Variants in TTC7A observed in about 807,000 individuals in gnomAD.
The protein encoded by TTC7A is tetratricopeptide repeat protein 7A.
Under a neutral mutation model 103.7 loss-of-function variants are expected in TTC7A, and 110 were observed. That is an observed-to-expected ratio of 1.06 (90% confidence interval 0.91 to 1.24). The LOEUF is 1.24. TTC7A is among the 50% of genes most tolerant of loss of function. TTC7A has a pLI of 0.00. For missense variants in TTC7A, 1,340 were observed against 1,116.3 expected (o/e 1.20, Z -2.86); for synonymous variants, 521 against 467.9 (o/e 1.11, Z -1.47).
intron 14 of TTC7A, among the ~76,000 whole-genome samples, chr2:47,027,972 C>A (rs1680098250): frequency 1.3e-5 from 2 of 152,200 alleles, no homozygotes; most frequent in South Asian, 4.1e-4. Flanking sequence ...AGTGCGCAGG[C>A]CAGGGCCCAT....
At chr2:47,002,805 A>G (rs1452981940) in intron 8 of TTC7A, among the ~76,000 whole-genome samples, 3 of 152,122 alleles carry the variant, frequency 2.0e-5, no homozygotes, top group Admixed American at 1.3e-4. Context: ...ACCACCAGGA[A>G]TATTTCACTT....
intron 11 of TTC7A, among the ~76,000 whole-genome samples, chr2:47,017,515 T>C (rs13425939): frequency 0.023 from 3,424 of 152,056 alleles, 146 homozygotes; most frequent in African/African-American, 0.078. Flanking sequence ...CCAGCCTGGG[T>C]TACAGAGCGA....
At chr2:47,025,132 C>A (rs370769016) in intron 14 of TTC7A, among the ~76,000 whole-genome samples, 9 of 152,210 alleles carry the variant, frequency 5.9e-5, no homozygotes, top group African/African-American at 2.2e-4. Context: ...CCGGAACCAC[C>A]CAGGAAATGG....
At chr2:46,918,941 C>A (rs1485379937) in intron 2 of TTC7A, among the ~76,000 whole-genome samples, 1 of 152,260 alleles carries the variant, frequency 6.6e-6, no homozygotes, top group African/African-American at 2.4e-5. Flanking sequence ...CTGAAATACC[C>A]CATTTACTTT....
intron 8 of TTC7A, among the ~76,000 whole-genome samples, chr2:47,000,897 C>G (rs1292472654): frequency 6.6e-6 from 1 of 152,236 alleles, no homozygotes; most frequent in East Asian, 1.9e-4. Context: ...TTGTGTTTTG[C>G]TTCAGTTCTT....
intron 2 of TTC7A, among the ~76,000 whole-genome samples, chr2:46,935,788 A>G (rs1038623142): frequency 3.7e-4 from 56 of 152,160 alleles, no homozygotes; most frequent in African/African-American, 1.2e-3. Context: ...CCAAGCTCCA[A>G]TTTCTTTTTT....
At chr2:46,936,363 A>G (rs1022695222), upstream of TTC7A, among the ~76,000 whole-genome samples, 4 of 152,162 alleles carry the variant, frequency 2.6e-5, no homozygotes, top group Admixed American at 6.5e-5. Context: ...CCCAGGGACA[A>G]ATTTTGTCTC....
At chr2:46,979,824 T>G (rs1469548055) in intron 5 of TTC7A, among the ~76,000 whole-genome samples, 2 of 152,218 alleles carry the variant, frequency 1.3e-5, no homozygotes, top group Non-Finnish European at 2.9e-5. Flanking sequence ...CCCCTTCCTC[T>G]GCGTCATTAC....
At chr2:46,996,351 A>G (rs1200581729) in intron 8 of TTC7A, among the ~76,000 whole-genome samples, 1 of 152,240 alleles carries the variant, frequency 6.6e-6, no homozygotes, top group Non-Finnish European at 1.5e-5. Context: ...TTTTAAAAAA[A>G]CGACGCATCT....
At chr2:46,956,532 G>A (rs570639720) in intron 2 of TTC7A, 172 of 338,884 alleles carry the variant, frequency 5.1e-4, no homozygotes, top group African/African-American at 2.0e-3. Flanking sequence ...TCTTTGGGGG[G>A]ATTCAGGAGA....
At chr2:46,986,191 G>T (rs1674988987) in intron 5 of TTC7A, among the ~76,000 whole-genome samples, 1 of 152,230 alleles carries the variant, frequency 6.6e-6, no homozygotes, top group Admixed American at 6.5e-5. Flanking sequence ...TTAAAGGGCT[G>T]TGGAGTCAGG....
At chr2:46,938,458 C>G (rs763733817), upstream of TTC7A, among the ~76,000 whole-genome samples, 2 of 152,128 alleles carry the variant, frequency 1.3e-5, no homozygotes, top group Non-Finnish European at 2.9e-5. Flanking sequence ...AGGGGGTATT[C>G]TCTTCTACTT....
Position 47,022,083 on chromosome 2 carries a change from C to T in TTC7A, c.1510+104C>T. On this transcript the variant is annotated intron_variant, in intron 12 of 19. Coordinates refer to ENST00000319190, the MANE Select transcript of TTC7A (RefSeq NM_020458.4). ...CGGCACCCCTCCCCTCAGGCCATGCCTCCATAGACACCATGCACTCCTCTG... is the reference window on the plus strand; with the variant it reads ...CGGCACCCCTCCCCTCAGGCCATGCTTCCATAGACACCATGCACTCCTCTG... 4.0e-6 allele frequency: 3 copies of T among 759,170 alleles called. No individual in the cohort carries two copies. The South Asian group carries it at 4.9e-5, about 13-fold the overall frequency. 47.0% of individuals were successfully genotyped at this position (759,170 alleles called of 1,614,324 possible).
intron 15 of TTC7A, among the ~76,000 whole-genome samples, chr2:47,041,753 C>CAA (rs570586750): frequency 2.5e-4 from 20 of 80,014 alleles, no homozygotes; most frequent in African/African-American, 7.3e-4. Flanking sequence ...AACTCCGTCT[C>CAA]AAAAAAAAAA....
chr2:47,056,309 A>C (rs1683308621), intron 18 of TTC7A, among the ~76,000 whole-genome samples: 1 of 152,174 alleles, frequency 6.6e-6, no homozygotes, highest in Non-Finnish European at 1.5e-5. Context: ...CTGAGGGTCA[A>C]GGCTAGCCAT....
At chr2:47,011,476 G>A (rs1182807589) in intron 11 of TTC7A, 41 bp downstream of exon 11, 4 of 1,519,734 alleles carry the variant, frequency 2.6e-6, no homozygotes, top group Middle Eastern at 1.9e-4. Flanking sequence ...GCCTCCTGTG[G>A]GGAGGGTGGC....
At position 47,023,467 on chromosome 2, in the gene TTC7A, T is replaced by C; in HGVS notation, c.1568+2T>C. 6.2e-7 allele frequency: 1 copy of C among 1,613,834 alleles called. No homozygotes were observed. Among genetic ancestry groups the C allele is most frequent in the Non-Finnish European group, 8.5e-7 (1 of 1,179,928 alleles). On this transcript the variant is annotated splice_donor_variant, in intron 13 of 19. Transcript: ENST00000319190. LOFTEE classifies it high-confidence loss of function. ...GAAGGCACTGCAGACGCTGGAGAGGTGAGGAGGCTCCCACCTGCAGCAGAG... is the reference window on the plus strand; with the variant it reads ...GAAGGCACTGCAGACGCTGGAGAGGCGAGGAGGCTCCCACCTGCAGCAGAG...
intron 1 of TTC7A, 60 bp from the exon 2 acceptor site, chr2:46,950,303 C>A: frequency 6.3e-7 from 1 of 1,595,394 alleles, no homozygotes; most frequent in African/African-American, 1.3e-5. Context: ...GAGTGTGCAA[C>A]TCCCTCCATT....
At chr2:46,923,769 GT>G (rs1669235807) in intron 2 of TTC7A, among the ~76,000 whole-genome samples, 1 of 151,428 alleles carries the variant, frequency 6.6e-6, no homozygotes, top group Non-Finnish European at 1.5e-5. Context: ...TCTCACTCTT[GT>G]CCACCAGGCT....
Sources: allele counts gnomAD v4.1 joint callset (sites outside exome capture counted in the v4.1 genomes callset), GRCh38; gene constraint gnomAD v4.1.1; transcripts MANE v1.5; gene names NCBI Gene and HGNC (gene_info 2026-07-23, HGNC 2026-07-21).